GRIN2B: variants seen among roughly 807,000 people sequenced by gnomAD.
GRIN2B encodes glutamate ionotropic receptor NMDA type subunit 2B.
A neutral mutation model predicts 114.5 loss-of-function variants in GRIN2B; 5 were observed. The observed-to-expected ratio is 0.04, with a 90% CI of 0.02 to 0.09. GRIN2B has a LOEUF of 0.09. Ranked by LOEUF, GRIN2B falls within the 10% of genes least tolerant of loss-of-function variation. The pLI, the probability that GRIN2B is intolerant of heterozygous loss-of-function variation, is 1.00. For missense variants in GRIN2B, 1,108 were observed against 1,943.5 expected, an observed-to-expected ratio of 0.57 and a Z score of 8.08; for synonymous variants, 787 against 745.1, an observed-to-expected ratio of 1.06 and a Z score of -0.92.
chr12:13,761,467 G>T (rs1157057626), intron 3 of GRIN2B, among the ~76,000 whole-genome samples: 1 of 152,188 alleles, frequency 6.6e-6, no homozygotes, highest in Non-Finnish European at 1.5e-5. Flanking sequence ...AAGAGGAGAA[G>T]AAGGAACAGG....
At chr12:13,805,102 T>G (rs867675398) in intron 3 of GRIN2B, among the ~76,000 whole-genome samples, 7 of 152,182 alleles carry the variant, frequency 4.6e-5, no homozygotes, top group Middle Eastern at 3.2e-3. Flanking sequence ...TTTTTAGTAT[T>G]TATTTAGTAC....
At chr12:13,908,697 G>A (rs1866583763) in intron 2 of GRIN2B, among the ~76,000 whole-genome samples, 1 of 152,048 alleles carries the variant, frequency 6.6e-6, no homozygotes, top group Non-Finnish European at 1.5e-5. Context: ...AATACATGAA[G>A]GCAACTGTCA....
chr12:13,779,361 A>G (rs963739117), intron 3 of GRIN2B, among the ~76,000 whole-genome samples: 2 of 152,116 alleles, frequency 1.3e-5, no homozygotes, highest in African/African-American at 4.8e-5. Flanking sequence ...CTTTATCTTT[A>G]TAGATGTTTT....
intron 4 of GRIN2B, among the ~76,000 whole-genome samples, chr12:13,748,652 A>G (rs1453637881): frequency 6.6e-6 from 1 of 152,194 alleles, no homozygotes; most frequent in Non-Finnish European, 1.5e-5. Flanking sequence ...CCTTTCAATC[A>G]AATAAAGTTA....
intron 2 of GRIN2B, among the ~76,000 whole-genome samples, chr12:13,895,939 T>A (rs1045735284): frequency 1.3e-5 from 2 of 152,182 alleles, no homozygotes; most frequent in African/African-American, 4.8e-5. Flanking sequence ...CTTTGCAGAA[T>A]AACTAAACTC....
chr12:13,609,598 C>T (rs1243011808), intron 9 of GRIN2B, among the ~76,000 whole-genome samples: 2 of 152,084 alleles, frequency 1.3e-5, no homozygotes, highest in East Asian at 3.9e-4. Flanking sequence ...ACGGTGAAAC[C>T]CCGTCTCTAC....
chr12:13,777,468 TA>T (rs1427402659), intron 3 of GRIN2B, among the ~76,000 whole-genome samples: 2 of 152,110 alleles, frequency 1.3e-5, no homozygotes, highest in African/African-American at 4.8e-5. Flanking sequence ...AAGGAAGAGT[TA>T]AAGGAGGTCA....
At chr12:13,741,268 G>A (rs1591706568) in intron 4 of GRIN2B, among the ~76,000 whole-genome samples, 1 of 152,078 alleles carries the variant, frequency 6.6e-6, no homozygotes, top group South Asian at 2.1e-4. Flanking sequence ...CTGACCTCAT[G>A]ATCCACCCAC....
rs1166149548 is a variant in GRIN2B at position 13,538,859 on chromosome 12, C to T, written c.*23924G>A. On this transcript the variant is annotated 3_prime_UTR_variant, in exon 14 of 14. Transcript: ENST00000609686. Reference sequence around the variant, plus strand: ...AAAACAAACAAAAAAACAAAAACAACAGAAAAATCAGAGCCAAGATTTCAA... The same window carrying T: ...AAAACAAACAAAAAAACAAAAACAATAGAAAAATCAGAGCCAAGATTTCAA... 6.7e-6 allele frequency: 1 copy of T among 150,278 alleles called. No homozygotes were observed. The highest frequency in any genetic ancestry group is 1.9e-4 in the East Asian group (1 of 5,140). The allele number at this position is 150,278 out of a possible 1,614,324, so 9.3% of individuals were successfully genotyped here.
intron 10 of GRIN2B, among the ~76,000 whole-genome samples, chr12:13,593,388 C>T (rs1313168563): frequency 2.0e-5 from 3 of 152,112 alleles, no homozygotes; most frequent in East Asian, 1.9e-4. Context: ...AGAAATAACA[C>T]CACACATCTA....
chr12:13,931,149 T>A (rs562682726), intron 2 of GRIN2B, among the ~76,000 whole-genome samples: 1 of 152,342 alleles, frequency 6.6e-6, no homozygotes, highest in Admixed American at 6.5e-5. Flanking sequence ...CTAAAAATTT[T>A]AAATTATACT....
intron 5 of GRIN2B, among the ~76,000 whole-genome samples, chr12:13,650,753 T>G (rs1180885341): frequency 1.3e-5 from 2 of 152,092 alleles, no homozygotes; most frequent in African/African-American, 2.4e-5. Flanking sequence ...TATCTCTGTC[T>G]AACAAATTGT....
chr12:13,733,679 G>A (rs1400530382), intron 4 of GRIN2B, among the ~76,000 whole-genome samples: 1 of 152,200 alleles, frequency 6.6e-6, no homozygotes, highest in Admixed American at 6.5e-5. Flanking sequence ...GTTGGCTGCT[G>A]TATAATATTG....
chr12:13,861,444 T>C (rs1483024385), intron 3 of GRIN2B, among the ~76,000 whole-genome samples: 1 of 152,208 alleles, frequency 6.6e-6, no homozygotes, highest in East Asian at 1.9e-4. Flanking sequence ...ATGGGCATCT[T>C]AAATCCAGGA....
At chr12:13,974,047 G>A (rs754612783) in intron 2 of GRIN2B, among the ~76,000 whole-genome samples, 1 of 152,138 alleles carries the variant, frequency 6.6e-6, no homozygotes, top group Non-Finnish European at 1.5e-5. Flanking sequence ...AGGAATAATG[G>A]GATCCCTCTT....
rs576425335 is a variant in GRIN2B at position 13,920,266 on chromosome 12, C to A, written c.-18-54040G>T. Among the ~76,000 whole-genome samples the A allele has an allele frequency of 2.0e-5, 3 of 148,404 alleles. No homozygotes were observed. The East Asian group carries it at 5.9e-4, about 29-fold the overall frequency. ...AAAAAAAAAACGGGGATTGGGAGAA[C>A]TAGGAGGGTGGAGAGTAGGAGGTGA... On this transcript the variant is annotated intron_variant, in intron 2 of 13. Transcript: ENST00000609686.
At chr12:13,836,896 C>A (rs1404617816) in intron 3 of GRIN2B, among the ~76,000 whole-genome samples, 5 of 152,174 alleles carry the variant, frequency 3.3e-5, no homozygotes, top group Non-Finnish European at 1.5e-5. Context: ...CCTGATGAGC[C>A]CCGTACGGCC....
intron 10 of GRIN2B, among the ~76,000 whole-genome samples, chr12:13,596,025 G>T (rs1949068686): frequency 1.3e-5 from 2 of 148,560 alleles, no homozygotes; most frequent in African/African-American, 2.5e-5. Context: ...TTTTTTTTCT[G>T]TAAGAAAAAA....
In GRIN2B at chr12:13,684,592, G is replaced by A. The variant is rs371434269; in HGVS notation, c.1011-8733C>T. 4.6e-5 allele frequency among the ~76,000 whole-genome samples: 7 copies of A among 152,308 alleles called. No individual in the cohort carries two copies. In the East Asian group the frequency reaches 1.2e-3, roughly 25 times the overall value. Reference sequence around the variant, plus strand: ...CTAGAAAGGTAGAAATCCCCAGAGAGAAGAAACCAAGTAGCTTTTCTGCAT... The same window carrying A: ...CTAGAAAGGTAGAAATCCCCAGAGAAAAGAAACCAAGTAGCTTTTCTGCAT... On this transcript the variant is annotated intron_variant, in intron 4 of 13. Transcript: ENST00000609686.
Sources: gnomAD v4.1 joint callset for allele counts (sites outside exome capture counted in the v4.1 genomes callset) on GRCh38, gnomAD v4.1.1 for gene constraint, MANE v1.5 for transcripts, NCBI Gene and HGNC (gene_info 2026-07-23, HGNC 2026-07-21) for gene names.